Variants in NEGR1 observed in about 807,000 individuals in gnomAD.
NEGR1 encodes neuronal growth regulator 1.
A neutral mutation model predicts 40.9 loss-of-function variants in NEGR1; 10 were observed. The observed-to-expected ratio is 0.24, with a 90% CI of 0.15 to 0.42. The LOEUF (loss-of-function observed/expected upper bound fraction) is 0.42. NEGR1 is among the 10% of genes least tolerant of loss of function. NEGR1 has a pLI of 1.00. For synonymous variants in NEGR1, 185 were observed against 166.8 expected, an observed-to-expected ratio of 1.11 and a Z score of -0.84; for missense variants, 352 against 438.9, an observed-to-expected ratio of 0.80 and a Z score of 1.77.
At chr1:71,999,904 A>T (rs1646542777) in intron 1 of NEGR1, among the ~76,000 whole-genome samples, 1 of 151,330 alleles carries the variant, frequency 6.6e-6, no homozygotes, top group African/African-American at 2.4e-5. Flanking sequence ...TTCTCTGAAG[A>T]CTTAGAATAT....
chr1:71,835,314 T>C (rs908499858), intron 2 of NEGR1, among the ~76,000 whole-genome samples: 4 of 151,456 alleles, frequency 2.6e-5, no homozygotes, highest in Non-Finnish European at 5.9e-5. Flanking sequence ...ACAGACTCTA[T>C]CTCTTATCTG....
At chr1:72,066,331 A>G (rs961424596) in intron 1 of NEGR1, among the ~76,000 whole-genome samples, 1 of 152,084 alleles carries the variant, frequency 6.6e-6, no homozygotes, top group Non-Finnish European at 1.5e-5. Flanking sequence ...CAACTTACAC[A>G]TTTTCTGAGA....
chr1:72,184,682 C>T (rs527323557), intron 1 of NEGR1, among the ~76,000 whole-genome samples: 3 of 152,094 alleles, frequency 2.0e-5, no homozygotes, highest in East Asian at 1.9e-4. Flanking sequence ...AACTTCAGCA[C>T]GTATCCTGAA....
At chr1:71,682,553 T>C (rs926309690) in intron 4 of NEGR1, among the ~76,000 whole-genome samples, 1 of 152,178 alleles carries the variant, frequency 6.6e-6, no homozygotes, top group African/African-American at 2.4e-5. Flanking sequence ...TTTTTGTTTT[T>C]GTTTTGTTTT....
At chr1:71,657,617 G>A (rs992201733) in intron 4 of NEGR1, among the ~76,000 whole-genome samples, 1 of 152,134 alleles carries the variant, frequency 6.6e-6, no homozygotes, top group African/African-American at 2.4e-5. Context: ...AAACATTGGG[G>A]TCTGGCAGGA....
At chr1:71,957,577 T>C (rs573824328) in intron 1 of NEGR1, among the ~76,000 whole-genome samples, 1 of 152,302 alleles carries the variant, frequency 6.6e-6, no homozygotes, top group South Asian at 2.1e-4. Flanking sequence ...ATATGGTATA[T>C]AGCAATTAAG....
At chr1:72,253,405 A>G (rs943414805) in intron 1 of NEGR1, among the ~76,000 whole-genome samples, 3 of 152,186 alleles carry the variant, frequency 2.0e-5, no homozygotes, top group Admixed American at 6.5e-5. Flanking sequence ...CAGAATCACA[A>G]TACTTTTATG....
intron 2 of NEGR1, among the ~76,000 whole-genome samples, chr1:71,855,555 C>G (rs1048147115): frequency 6.6e-6 from 1 of 152,098 alleles, no homozygotes; most frequent in Middle Eastern, 3.4e-3. Flanking sequence ...AAAGAGGTTT[C>G]ATACCGAGAC....
At chr1:71,460,900 G>T (rs1338609130) in intron 6 of NEGR1, among the ~76,000 whole-genome samples, 2 of 151,798 alleles carry the variant, frequency 1.3e-5, no homozygotes, top group Non-Finnish European at 2.9e-5. Context: ...AAGTGGAAGG[G>T]TTTTTGTTTT....
intron 6 of NEGR1, among the ~76,000 whole-genome samples, chr1:71,499,884 G>A (rs1212807098): frequency 6.6e-6 from 1 of 151,960 alleles, no homozygotes; most frequent in Non-Finnish European, 1.5e-5. Context: ...TCAATGTATA[G>A]GCCAATAACT....
intron 6 of NEGR1, among the ~76,000 whole-genome samples, chr1:71,526,132 C>G (rs1647213337): frequency 6.6e-6 from 1 of 151,446 alleles, no homozygotes; most frequent in South Asian, 2.1e-4. Context: ...ATACTTTTAT[C>G]TGGAAATTAA....
rs561977199 is a variant in NEGR1, at chr1:72,072,753, C to T, written c.177-137442G>A. On this transcript the variant is annotated intron_variant, in intron 1 of 6. Transcript: ENST00000357731. Reference sequence around the variant, plus strand: ...TTGATTCTCAGCACTCCCTGTCCTTCGGTTTATAGAAAGAGAACTCCCTTT... The same window carrying T: ...TTGATTCTCAGCACTCCCTGTCCTTTGGTTTATAGAAAGAGAACTCCCTTT... Among the ~76,000 whole-genome samples the T allele has an allele frequency of 1.9e-4, 29 of 152,000 alleles. No individual in the cohort carries two copies. In the South Asian group the frequency reaches 2.7e-3, roughly 14 times the overall value.
At chr1:72,036,472 A>G (rs903422053) in intron 1 of NEGR1, among the ~76,000 whole-genome samples, 8 of 151,994 alleles carry the variant, frequency 5.3e-5, no homozygotes, top group African/African-American at 9.7e-5. Context: ...CCAGGCCAAC[A>G]TGGTGAAACC....
At chr1:71,414,099 T>C (rs1569843928) in intron 6 of NEGR1, among the ~76,000 whole-genome samples, 2 of 152,252 alleles carry the variant, frequency 1.3e-5, no homozygotes, top group Non-Finnish European at 1.5e-5. Flanking sequence ...CAACTTACAT[T>C]TTCCTGAGGA....
intron 3 of NEGR1, among the ~76,000 whole-genome samples, chr1:71,708,758 G>T (rs1245275522): frequency 6.6e-6 from 1 of 152,072 alleles, no homozygotes; most frequent in African/African-American, 2.4e-5. Context: ...CCTCCCCACA[G>T]GTGCCCAGCA....
At chr1:72,059,604 T>C (rs1395810488) in intron 1 of NEGR1, among the ~76,000 whole-genome samples, 1 of 151,650 alleles carries the variant, frequency 6.6e-6, no homozygotes, top group African/African-American at 2.4e-5. Flanking sequence ...GACAACAAGT[T>C]TTGAAATAGT....
chr1:72,157,843 C>T (rs547510723), intron 1 of NEGR1, among the ~76,000 whole-genome samples: 1 of 152,142 alleles, frequency 6.6e-6, no homozygotes, highest in Non-Finnish European at 1.5e-5. Context: ...GAACACAAGT[C>T]AACCTGATAG....
rs570682059 is a variant in NEGR1 at position 71,677,953 on chromosome 1, T to G, written c.667+20055A>C. On this transcript the variant is annotated intron_variant, in intron 4 of 6. Transcript: ENST00000357731. ...GTTAACAGGAAGTTGGATTATAACT[T>G]ATCTATTTTAAGTCAGTTTGAACAT... 4.9e-4 allele frequency among the ~76,000 whole-genome samples: 75 copies of G among 152,298 alleles called. No homozygotes were observed. The South Asian group carries it at 5.8e-3, about 12-fold the overall frequency.
chr1:72,005,179 T>C (rs1340521768), intron 1 of NEGR1, among the ~76,000 whole-genome samples: 1 of 152,140 alleles, frequency 6.6e-6, no homozygotes, highest in African/African-American at 2.4e-5. Flanking sequence ...CTCTGTTTAT[T>C]ATGTTTATTT....
Sources: allele counts gnomAD v4.1 joint callset (sites outside exome capture counted in the v4.1 genomes callset), GRCh38; gene constraint gnomAD v4.1.1; transcripts MANE v1.5; gene names NCBI Gene and HGNC (gene_info 2026-07-23, HGNC 2026-07-21).